Variants in PSMD5 observed in about 807,000 individuals in gnomAD.
PSMD5 encodes proteasome 26S subunit, non-ATPase 5.
PSMD5 carries 40 observed loss-of-function variants against 52.1 expected under a neutral mutation model. The ratio of observed to expected loss-of-function variants is 0.77; its 90% CI spans 0.60 to 1.00. The LOEUF (loss-of-function observed/expected upper bound fraction) is 1.00. PSMD5 is among the 50% of genes least tolerant of loss of function. The pLI is 0.00. For missense variants in PSMD5, 575 were observed against 605.2 expected (o/e 0.95, Z 0.52); for synonymous variants, 211 against 226.6 (o/e 0.93, Z 0.62).
Position 120,817,967 on chromosome 9 carries a change from A to G in PSMD5, c.1454T>C (p.Leu485Pro), listed in dbSNP as rs2045056545. Reference protein sequence around the residue: ...NPNYLRLRTYLSEGPYYVKPV... With the variant: ...NPNYLRLRTYPSEGPYYVKPV... ...TTTCACATAGTATGGCCCTTCACTC[A>G]GGTAAGTTCTGAGCCTCAAATAATT... The change falls in exon 10 of 10, where the codon CTG becomes CCG. Residue 485 changes from leucine to proline, a missense_variant. Transcript: ENST00000210313. The G allele has an allele frequency of 6.2e-7, 1 of 1,614,108 alleles. No individual in the cohort carries two copies. The highest frequency in any genetic ancestry group is 8.5e-7 in the Non-Finnish European group (1 of 1,180,032).
At chr9:120,833,864 C>T (rs914018331) in intron 1 of PSMD5, among the ~76,000 whole-genome samples, 88 of 149,270 alleles carry the variant, frequency 5.9e-4, no homozygotes, top group African/African-American at 1.9e-3. Context: ...TTTTTAGAGA[C>T]GAGGTTTCAC....
intron 6 of PSMD5, among the ~76,000 whole-genome samples, chr9:120,825,382 A>G (rs757694967): frequency 6.6e-6 from 1 of 152,174 alleles, no homozygotes; most frequent in Non-Finnish European, 1.5e-5. Flanking sequence ...AAAAAATCAT[A>G]TATCTTTATT....
In PSMD5 at chr9:120,829,176, T is replaced by C; in HGVS notation, c.594A>G (p.Glu198=). 2 of 1,603,066 alleles carry C rather than the reference T, an allele frequency of 1.2e-6. No individual in the cohort carries two copies. Among genetic ancestry groups the C allele is most frequent in the Non-Finnish European group, 1.7e-6 (2 of 1,175,544 alleles). The change falls in exon 5 of 10, where the codon GAA becomes GAG. Residue 198 remains glutamate, a synonymous_variant. Transcript: ENST00000210313. ...LIIEISSVSP[E]SLNYCTTSGL... is the part of the protein sequence containing the mutation. ...CACTTGTGGTACAGTAGTTTAAAGA[T>C]TCTGGTGACACGGAAGAAATCTCTA... is the stretch of plus-strand genomic sequence containing the variant.
chr9:120,825,364 T>C (rs1227589423), intron 6 of PSMD5, among the ~76,000 whole-genome samples: 1 of 152,186 alleles, frequency 6.6e-6, no homozygotes, highest in Non-Finnish European at 1.5e-5. Context: ...AATTAACTTT[T>C]AACTGACAAA....
chr9:120,834,831 G>A (rs1588071619), intron 1 of PSMD5, among the ~76,000 whole-genome samples: 1 of 152,358 alleles, frequency 6.6e-6, no homozygotes, highest in South Asian at 2.1e-4. Context: ...AGTAAATGGT[G>A]AGAGGTGATG....
rs868764584 is a variant in PSMD5 at position 120,840,864 on chromosome 9, C to T, written c.173+1873G>A. On this transcript the variant is annotated intron_variant, in intron 1 of 9. Coordinates refer to ENST00000210313, the MANE Select transcript of PSMD5 (RefSeq NM_005047.4). ...CGAACTCTTGACCTTGTGATCCACC[C>T]GCCTCGGCCTCCCAAAGTGCTGGGA... is the stretch of plus-strand genomic sequence containing the variant. Among the ~76,000 whole-genome samples, 10 of 152,094 alleles carry T rather than the reference C, an allele frequency of 6.6e-5. No homozygotes were observed. In the South Asian group the frequency reaches 1.9e-3, roughly 28 times the overall value.
At chr9:120,842,585 C>T in intron 1 of PSMD5, 152 bp downstream of exon 1, 1 of 958,778 alleles carries the variant, frequency 1.0e-6, no homozygotes, top group Middle Eastern at 2.6e-4. Flanking sequence ...CATCTCCTGC[C>T]TCTGAACCCA....
intron 7 of PSMD5, among the ~76,000 whole-genome samples, chr9:120,822,802 C>T (rs1444592613): frequency 1.3e-5 from 2 of 152,066 alleles, no homozygotes; most frequent in Non-Finnish European, 2.9e-5. Context: ...GTTGGGATTA[C>T]AGGCATGAGC....
At position 120,829,877 on chromosome 9, in the gene PSMD5, T is replaced by C. The variant is rs1341987972; in HGVS notation, c.562-669A>G. Among the ~76,000 whole-genome samples, 3 of 152,280 alleles carry C rather than the reference T, an allele frequency of 2.0e-5. No individual in the cohort carries two copies. In the East Asian group the frequency reaches 5.8e-4, roughly 29 times the overall value. ...TTCACTCACTCATTCAGCAAGTATGTTCTGAGGTCTTACTGAGAGATATAG... is the reference window on the plus strand; with the variant it reads ...TTCACTCACTCATTCAGCAAGTATGCTCTGAGGTCTTACTGAGAGATATAG... On this transcript the variant is annotated intron_variant, in intron 4 of 9. Transcript: ENST00000210313.
At chr9:120,842,003 A>G (rs142196993) in intron 1 of PSMD5, 2 of 152,046 alleles carry the variant, frequency 1.3e-5, no homozygotes, top group Non-Finnish European at 2.9e-5. Context: ...ATTCCTTTAA[A>G]CTCTCATCTG....
intron 7 of PSMD5, among the ~76,000 whole-genome samples, chr9:120,823,510 C>CTTTTTTTTTTTTTTTTTTTTTTT (rs1263218977): frequency 9.2e-6 from 1 of 108,666 alleles, no homozygotes; most frequent in African/African-American, 3.5e-5. Flanking sequence ...TACCTGGCCT[C>CTTTTTTTTTTTTTTTTTTTTTTT]TTTTTTTTTT....
At chr9:120,839,032 G>C (rs2045216379) in intron 1 of PSMD5, among the ~76,000 whole-genome samples, 1 of 152,214 alleles carries the variant, frequency 6.6e-6, no homozygotes, top group African/African-American at 2.4e-5. Flanking sequence ...GCAGTCATTT[G>C]CAACTGGAAT....
At chr9:120,839,663 G>C (rs926388604) in intron 1 of PSMD5, among the ~76,000 whole-genome samples, 3 of 152,130 alleles carry the variant, frequency 2.0e-5, no homozygotes, top group Admixed American at 6.5e-5. Context: ...TTTTCAAGTA[G>C]TAAGGTCACT....
At chr9:120,838,714 C>T (rs1306737872) in intron 1 of PSMD5, among the ~76,000 whole-genome samples, 1 of 152,234 alleles carries the variant, frequency 6.6e-6, no homozygotes, top group African/African-American at 2.4e-5. Flanking sequence ...TCCTCAAATT[C>T]TGCCTCACTT....
At chr9:120,833,209 G>A (rs945147648) in intron 2 of PSMD5, 103 bp downstream of exon 2, 1 of 1,326,922 alleles carries the variant, frequency 7.5e-7, no homozygotes, top group Non-Finnish European at 1.0e-6. Context: ...GAAGGAAGAG[G>A]GAAGGAGAGA....
In PSMD5 at chr9:120,831,387, C is replaced by T; in HGVS notation, c.505G>A (p.Asp169Asn). 6.2e-7 allele frequency: 1 copy of T among 1,612,910 alleles called. No individual in the cohort carries two copies. Among genetic ancestry groups the T allele is most frequent in the Non-Finnish European group, 8.5e-7 (1 of 1,179,616 alleles). Residue 169 changes from aspartate (D) to asparagine (N), a missense_variant, in exon 4 of 10, where the codon GAT becomes AAT. Physicochemically the swap from Asp to Asn is conservative, Grantham distance 23. Coordinates refer to ENST00000210313, the MANE Select transcript of PSMD5 (RefSeq NM_005047.4). ...LEALFESNLL[D>N]DLKSVMKTND... ...GTTTTCATTACACTTTTCAAATCAT[C>T]CAGCAGATTGCTTTCAAATAAAGCC...
rs1368008668 is a variant in PSMD5 at position 120,817,229 on chromosome 9, A to G, written c.*677T>C. Reference sequence around the variant, plus strand: ...AAAAGGACCAAAAAGAAAAAAAAAGATAGTGAAGAGAATCCAGAAATAATT... The same window carrying G: ...AAAAGGACCAAAAAGAAAAAAAAAGGTAGTGAAGAGAATCCAGAAATAATT... On this transcript the variant is annotated 3_prime_UTR_variant, in exon 10 of 10. Coordinates refer to ENST00000210313, the MANE Select transcript of PSMD5 (RefSeq NM_005047.4). The G allele has an allele frequency of 2.6e-5, 4 of 152,184 alleles. No individual in the cohort carries two copies. Among genetic ancestry groups the G allele is most frequent in the Non-Finnish European group, 5.9e-5 (4 of 68,048 alleles). The allele number at this position is 152,184 out of a possible 1,614,324, so 9.4% of individuals were successfully genotyped here.
Position 120,824,648 on chromosome 9 carries a change from A to G in PSMD5, c.852T>C (p.Asp284=), listed in dbSNP as rs1346205942. ...VKFFGNLAVM[D]SPQQICERYP... ...AACGCTCACAGATCTGTTGAGGACT[A>G]TCCATGACAGCCAGGTTTCCAAAAA... The change falls in exon 7 of 10, where the codon GAT becomes GAC. Residue 284 remains aspartate (D), a synonymous_variant. Transcript: ENST00000210313. 1 of 1,601,302 alleles carries G rather than the reference A, an allele frequency of 6.2e-7. No individual in the cohort carries two copies. Among genetic ancestry groups the G allele is most frequent in the South Asian group, 1.1e-5 (1 of 88,298 alleles).
chr9:120,829,296 T>A, intron 4 of PSMD5, 88 bp from the exon 5 acceptor site: 2 of 1,313,042 alleles, frequency 1.5e-6, no homozygotes, highest in Non-Finnish European at 2.0e-6. Flanking sequence ...AATGTAGGAC[T>A]AGGTACTTTT....
Sources: gnomAD v4.1 joint callset for allele counts (sites outside exome capture counted in the v4.1 genomes callset) on GRCh38, gnomAD v4.1.1 for gene constraint, MANE v1.5 for transcripts, NCBI Gene and HGNC (gene_info 2026-07-23, HGNC 2026-07-21) for gene names.